The following HMCN1 variants were observed in gnomAD, a reference collection of about 807,000 sequenced individuals.
The protein encoded by HMCN1 is hemicentin-1.
Under a neutral mutation model 625.9 loss-of-function variants are expected in HMCN1, and 321 were observed. The observed-to-expected ratio is 0.51, with a 90% confidence interval of 0.47 to 0.56. HMCN1 has a LOEUF of 0.56. Among genes scored for constraint, HMCN1 ranks in the 20% least tolerant of loss-of-function variants. The pLI is 0.00. For missense variants in HMCN1, 6,588 were observed against 6,887.3 expected (o/e 0.96, Z 1.54); for synonymous variants, 2,425 against 2,417.6 (o/e 1.00, Z -0.09).
chr1:185,914,470 C>T (rs1018643759), intron 6 of HMCN1, among the ~76,000 whole-genome samples: 5 of 152,060 alleles, frequency 3.3e-5, no homozygotes, highest in African/African-American at 9.7e-5. Flanking sequence ...TATTACTTAA[C>T]TTTACCTTGA....
At chr1:186,086,982 A>G (rs920624080) in intron 58 of HMCN1, among the ~76,000 whole-genome samples, 2 of 152,084 alleles carry the variant, frequency 1.3e-5, no homozygotes, top group African/African-American at 2.4e-5. Flanking sequence ...TTTACTGTCC[A>G]TGTTTTGATG....
intron 98 of HMCN1, among the ~76,000 whole-genome samples, chr1:186,165,809 A>G (rs1430591583): frequency 6.6e-6 from 1 of 152,182 alleles, no homozygotes; most frequent in African/African-American, 2.4e-5. Flanking sequence ...TAAGCAATTT[A>G]TGTAACTTCT....
At chr1:185,908,095 G>A (rs1322560833) in intron 4 of HMCN1, among the ~76,000 whole-genome samples, 1 of 151,814 alleles carries the variant, frequency 6.6e-6, no homozygotes, top group Non-Finnish European at 1.5e-5. Flanking sequence ...ATGACTGAAA[G>A]TGTGGTCATC....
At chr1:186,101,096 C>A (rs1660362986) in intron 68 of HMCN1, among the ~76,000 whole-genome samples, 1 of 151,852 alleles carries the variant, frequency 6.6e-6, no homozygotes. Flanking sequence ...ATTGACAATC[C>A]CAACAAAATT....
chr1:186,075,795 A>G (rs1375282717), intron 53 of HMCN1, among the ~76,000 whole-genome samples: 1 of 152,174 alleles, frequency 6.6e-6, no homozygotes. Context: ...GAACATCTTT[A>G]TACATAAAAC....
At chr1:185,775,712 A>G (rs947726873) in intron 1 of HMCN1, among the ~76,000 whole-genome samples, 7 of 152,216 alleles carry the variant, frequency 4.6e-5, no homozygotes, top group African/African-American at 1.7e-4. Flanking sequence ...TGCAGCCTGA[A>G]GCATGTGAAT....
At chr1:186,137,381 C>T (rs1170498698) in intron 87 of HMCN1, 117 bp from the exon 88 acceptor site, 45 of 1,178,704 alleles carry the variant, frequency 3.8e-5, no homozygotes, top group Admixed American at 6.0e-5. Flanking sequence ...AGCTTCCATA[C>T]GCTATTTCTC....
intron 1 of HMCN1, 147 bp downstream of exon 1, chr1:185,735,194 T>A (rs930453086): frequency 1.0e-5 from 10 of 961,376 alleles, no homozygotes; most frequent in Non-Finnish European, 1.6e-5. Flanking sequence ...AATTACTTGC[T>A]GGCGTCTGGG....
At chr1:185,924,910 C>T (rs1454619552) in intron 8 of HMCN1, 137 bp from the exon 9 acceptor site, 1 of 814,998 alleles carries the variant, frequency 1.2e-6, no homozygotes, top group Non-Finnish European at 2.0e-6. Flanking sequence ...TTTTAGTGAT[C>T]TGGGTTAATT....
At chr1:185,886,345 A>G (rs1664649122) in intron 4 of HMCN1, among the ~76,000 whole-genome samples, 1 of 152,148 alleles carries the variant, frequency 6.6e-6, no homozygotes, top group Non-Finnish European at 1.5e-5. Flanking sequence ...AACATCCAAC[A>G]TACATAGTTA....
At chr1:185,904,038 G>C (rs562937885) in intron 4 of HMCN1, among the ~76,000 whole-genome samples, 2 of 151,904 alleles carry the variant, frequency 1.3e-5, no homozygotes, top group East Asian at 3.9e-4. Context: ...CTTTGTCTAA[G>C]TTCTTGTGGA....
At chr1:186,049,477 G>A (rs570877928) in intron 42 of HMCN1, among the ~76,000 whole-genome samples, 3 of 150,510 alleles carry the variant, frequency 2.0e-5, no homozygotes, top group African/African-American at 7.3e-5. Context: ...TAATAACCAG[G>A]GAGAAAAGTT....
At position 186,137,898 on chromosome 1, in the gene HMCN1, C is replaced by T. The variant is rs1283577409; in HGVS notation, c.13850C>T (p.Ser4617Leu). ...QTRTRTCNNP[S>L]VQHGGRPCEG... is the part of the protein sequence containing the mutation. ...AGGACCAGGACTTGCAATAATCCAT[C>T]AGTTCAGCATGGTGGGCGGCCATGT... The change falls in exon 89 of 107, where the codon TCA (serine) becomes TTA (leucine). Residue 4617 changes from serine (S) to leucine (L), a missense_variant. Coordinates refer to ENST00000271588, the MANE Select transcript of HMCN1 (RefSeq NM_031935.3). The T allele has an allele frequency of 6.2e-7, 1 of 1,614,092 alleles. No individual in the cohort carries two copies.
intron 30 of HMCN1, among the ~76,000 whole-genome samples, chr1:186,011,629 G>A (rs1654010136): frequency 6.6e-6 from 1 of 152,162 alleles, no homozygotes; most frequent in East Asian, 1.9e-4. Flanking sequence ...GTGACACACT[G>A]CTAGAACTGT....
At chr1:186,024,866 T>C (rs1430241577) in intron 36 of HMCN1, among the ~76,000 whole-genome samples, 1 of 152,182 alleles carries the variant, frequency 6.6e-6, no homozygotes, top group Non-Finnish European at 1.5e-5. Context: ...GGGACCAGTT[T>C]CTTGGAAGAC....
intron 31 of HMCN1, 29 bp from the exon 32 acceptor site, chr1:186,015,929 G>T (rs1278645894): frequency 6.3e-7 from 1 of 1,597,790 alleles, no homozygotes; most frequent in East Asian, 2.2e-5. Flanking sequence ...ACAAATAATT[G>T]CCTGAAATAT....
intron 4 of HMCN1, among the ~76,000 whole-genome samples, chr1:185,891,180 C>T (rs1428691297): frequency 2.3e-5 from 3 of 131,784 alleles, no homozygotes; most frequent in Admixed American, 2.2e-4. Context: ...CTTCCTCCAT[C>T]CTTTTATTTT....
chr1:185,830,394 A>C (rs1184617004), intron 1 of HMCN1, among the ~76,000 whole-genome samples: 2 of 152,118 alleles, frequency 1.3e-5, no homozygotes, highest in Non-Finnish European at 2.9e-5. Context: ...TTTACATCGA[A>C]GTTTTTAATC....
chr1:185,936,587 A>G lies in HMCN1; in HGVS notation c.1828+2763A>G, dbSNP rs901303054. 2.0e-5 allele frequency among the ~76,000 whole-genome samples: 3 copies of G among 152,148 alleles called. No individual in the cohort carries two copies. In the East Asian group the frequency reaches 5.8e-4, roughly 29 times the overall value. ...AGAATGCTATTTTCTCATACTCATT[A>G]ATAGCTCTAACTATCCAAATTAGGA... On this transcript the variant is annotated intron_variant, in intron 11 of 106. Transcript: ENST00000271588.
Sources: gnomAD v4.1 joint callset for allele counts (sites outside exome capture counted in the v4.1 genomes callset) on GRCh38, gnomAD v4.1.1 for gene constraint, MANE v1.5 for transcripts, NCBI Gene and HGNC (gene_info 2026-07-23, HGNC 2026-07-21) for gene names.